Variants in TOP2B observed in about 807,000 individuals in gnomAD.
TOP2B encodes the protein DNA topoisomerase 2-beta.
TOP2B carries 51 observed loss-of-function variants against 193.5 expected under a neutral mutation model. The observed-to-expected ratio is 0.26, with a 90% CI of 0.21 to 0.33. TOP2B has a LOEUF of 0.33. Among genes scored for constraint, TOP2B ranks in the 10% least tolerant of loss-of-function variants. The pLI, the probability that TOP2B is intolerant of heterozygous loss-of-function variation, is 1.00. For missense variants in TOP2B, 1,378 were observed against 1,909.3 expected, an observed-to-expected ratio of 0.72 and a Z score of 5.19; for synonymous variants, 634 against 635.7, an observed-to-expected ratio of 1.00 and a Z score of 0.04.
At chr3:25,644,254 CTA>C (rs1559506406) in intron 2 of TOP2B, among the ~76,000 whole-genome samples, 1 of 151,994 alleles carries the variant, frequency 6.6e-6, no homozygotes, top group Non-Finnish European at 1.5e-5. Flanking sequence ...CTTTCTTCAT[CTA>C]TAGAGATAAC....
At chr3:25,629,536 T>C (rs766105888) in intron 13 of TOP2B, among the ~76,000 whole-genome samples, 1 of 152,164 alleles carries the variant, frequency 6.6e-6, no homozygotes, top group Non-Finnish European at 1.5e-5. Context: ...AAATTTCTGC[T>C]TAAAACTATA....
At chr3:25,648,828 C>T (rs752924423) in intron 1 of TOP2B, among the ~76,000 whole-genome samples, 1 of 152,174 alleles carries the variant, frequency 6.6e-6, no homozygotes, top group Non-Finnish European at 1.5e-5. Flanking sequence ...CACAACTGTA[C>T]TCCAGCCTGG....
chr3:25,648,892 G>T (rs1296529014), intron 1 of TOP2B, among the ~76,000 whole-genome samples: 1 of 151,950 alleles, frequency 6.6e-6, no homozygotes, highest in East Asian at 1.9e-4. Context: ...ACCACAAATT[G>T]AGCCTAAAGA....
intron 1 of TOP2B, among the ~76,000 whole-genome samples, chr3:25,654,349 G>A (rs911268325): frequency 2.0e-5 from 3 of 151,820 alleles, no homozygotes; most frequent in Non-Finnish European, 4.4e-5. Flanking sequence ...GCATCAAAAA[G>A]GATAAACTAC....
At chr3:25,606,642 TAAAAAAA>T (rs1268513896) in intron 31 of TOP2B, among the ~76,000 whole-genome samples, 1 of 152,060 alleles carries the variant, frequency 6.6e-6, no homozygotes, top group Non-Finnish European at 1.5e-5. Context: ...AAAATACTTT[TAAAAAAA>T]CATCTAAAAT....
intron 33 of TOP2B, among the ~76,000 whole-genome samples, chr3:25,602,851 A>G (rs1247114700): frequency 1.3e-5 from 2 of 152,242 alleles, no homozygotes; most frequent in African/African-American, 4.8e-5. Flanking sequence ...TAACTTGTGT[A>G]ACATACGCAA....
intron 18 of TOP2B, among the ~76,000 whole-genome samples, chr3:25,625,338 T>C (rs190527985): frequency 6.6e-6 from 1 of 152,336 alleles, no homozygotes; most frequent in African/African-American, 2.4e-5. Flanking sequence ...AGTAAGTCTA[T>C]GTCCTCATCC....
In TOP2B at chr3:25,602,472, A is replaced by T. The variant is rs533864534; in HGVS notation, c.4490-1247T>A. The stretch of plus-strand genomic sequence containing the variant: ...TAATTAAGAAAACCTAATTTGGAAG[A>T]AAATATATTAACTGTAGACTTTGTT... On this transcript the variant is annotated intron_variant, in intron 33 of 35. Transcript: ENST00000264331. Among the ~76,000 whole-genome samples the T allele has an allele frequency of 1.0e-4, 15 of 149,390 alleles. No homozygotes were observed. In the South Asian group the frequency reaches 3.0e-3, roughly 30 times the overall value.
At chr3:25,640,245 A>G (rs1703219023) in intron 4 of TOP2B, among the ~76,000 whole-genome samples, 1 of 152,168 alleles carries the variant, frequency 6.6e-6, no homozygotes, top group African/African-American at 2.4e-5. Context: ...ACTCAGAAAT[A>G]CAATATACAA....
Position 25,632,433 on chromosome 3 carries a change from A to T in TOP2B, c.1266+13T>A. ...TTAATAACAACAATAAAAAAAATAC[A>T]AGTTTTACTCACTGCTTTAAAAAAT... On this transcript the variant is annotated intron_variant, in intron 10 of 35. Coordinates refer to ENST00000264331, the MANE Select transcript of TOP2B (RefSeq NM_001330700.2). 6.5e-7 allele frequency: 1 copy of T among 1,533,940 alleles called. No individual in the cohort carries two copies. Among genetic ancestry groups the T allele is most frequent in the East Asian group, 2.4e-5 (1 of 41,898 alleles).
At chr3:25,628,715 AC>A (rs1457487554) in intron 15 of TOP2B, 131 bp downstream of exon 15, 1 of 585,182 alleles carries the variant, frequency 1.7e-6, no homozygotes, top group Non-Finnish European at 3.0e-6. Context: ...TTTTTCTATA[AC>A]AATACTTTAA....
At chr3:25,617,389 AAT>A (rs1702531658) in intron 25 of TOP2B, among the ~76,000 whole-genome samples, 1 of 152,172 alleles carries the variant, frequency 6.6e-6, no homozygotes, top group Non-Finnish European at 1.5e-5. Flanking sequence ...ATTTTCTTCA[AAT>A]AATGAATAAG....
intron 25 of TOP2B, chr3:25,618,195 C>A: frequency 2.1e-6 from 1 of 479,750 alleles, no homozygotes. Flanking sequence ...GTCATTTCTC[C>A]AGGCTCTGGT....
At chr3:25,622,987 A>G (rs1250303968) in intron 21 of TOP2B, among the ~76,000 whole-genome samples, 1 of 152,164 alleles carries the variant, frequency 6.6e-6, no homozygotes, top group Non-Finnish European at 1.5e-5. Flanking sequence ...CATGTTGGTC[A>G]GTCTGGTCTC....
intron 1 of TOP2B, among the ~76,000 whole-genome samples, chr3:25,661,281 G>A (rs1169518157): frequency 2.0e-5 from 3 of 152,206 alleles, no homozygotes; most frequent in Non-Finnish European, 4.4e-5. Context: ...TTACAGGCGT[G>A]AGCCACCGCA....
At chr3:25,638,051 T>A (rs1440216213) in intron 5 of TOP2B, 114 bp downstream of exon 5, 1 of 994,010 alleles carries the variant, frequency 1.0e-6, no homozygotes, top group East Asian at 2.8e-5. Context: ...AGTTTATAAA[T>A]ATTAATTCTG....
intron 15 of TOP2B, among the ~76,000 whole-genome samples, chr3:25,628,171 TAAAAAAAAAA>T (rs11444499): frequency 1.2e-3 from 151 of 130,142 alleles, no homozygotes; most frequent in Admixed American, 2.0e-3. Flanking sequence ...TAACATTATT[TAAAAAAAAAA>T]AAAAAAAAAG....
In TOP2B at chr3:25,664,660, C is replaced by G. The variant is rs1010786716; in HGVS notation, c.-363G>C. ...CGGGCGTGCGAGCCGCGAGGGCGGC[C>G]GGGGAGCCCGAGGCGCTCGGACGTG... On this transcript the variant is annotated 5_prime_UTR_variant, in exon 1 of 36. Coordinates refer to ENST00000264331, the MANE Select transcript of TOP2B (RefSeq NM_001330700.2). 20 of 984,692 alleles carry G rather than the reference C, an allele frequency of 2.0e-5. No homozygotes were observed. The Middle Eastern group carries it at 1.6e-3, about 77-fold the overall frequency. The allele number at this position is 984,692 out of a possible 1,614,324, so 61.0% of individuals were successfully genotyped here.
At position 25,615,464 on chromosome 3, in the gene TOP2B, T is replaced by C; in HGVS notation, c.3474A>G (p.Lys1158=). The change falls in exon 26 of 36, where the codon AAA becomes AAG. Residue 1158 remains lysine, a synonymous_variant. Transcript: ENST00000264331. ...NMSLWSLTKE[K]VEELIKQRDA... ...CTCTCTGTTTAATCAGTTCTTCAACTTTTTCTTTAGTAAGAGACCACAGAG... is the reference window on the plus strand; with the variant it reads ...CTCTCTGTTTAATCAGTTCTTCAACCTTTTCTTTAGTAAGAGACCACAGAG... The C allele has an allele frequency of 6.4e-7, 1 of 1,564,292 alleles. No homozygotes were observed. Among genetic ancestry groups the C allele is most frequent in the South Asian group, 1.2e-5 (1 of 82,708 alleles).
Sources: gnomAD v4.1 joint callset for allele counts (sites outside exome capture counted in the v4.1 genomes callset) on GRCh38, gnomAD v4.1.1 for gene constraint, MANE v1.5 for transcripts, NCBI Gene and HGNC (gene_info 2026-07-23, HGNC 2026-07-21) for gene names.